The following ATP2B2 variants were observed in gnomAD, a reference collection of about 807,000 sequenced individuals.
ATP2B2 encodes the protein ATPase plasma membrane Ca2+ transporting 2.
A neutral mutation model predicts 120.0 loss-of-function variants in ATP2B2; 15 were observed. The observed-to-expected ratio is 0.12, with a 90% CI of 0.08 to 0.19. ATP2B2 has a LOEUF of 0.19. Among genes scored for constraint, ATP2B2 ranks in the 10% least tolerant of loss-of-function variants. The pLI is 1.00. For missense variants in ATP2B2, 1,045 were observed against 1,719.8 expected (o/e 0.61, Z 6.94); for synonymous variants, 694 against 700.3 (o/e 0.99, Z 0.14).
intron 1 of ATP2B2, among the ~76,000 whole-genome samples, chr3:10,486,346 T>TGTG (rs2065666110): frequency 6.6e-6 from 1 of 151,938 alleles, no homozygotes; most frequent in Non-Finnish European, 1.5e-5. Flanking sequence ...TGTGTGTGTG[T>TGTG]GTGTGTGTGT....
intron 1 of ATP2B2, among the ~76,000 whole-genome samples, chr3:10,471,430 A>G (rs2125283102): frequency 6.7e-6 from 1 of 150,304 alleles, no homozygotes; most frequent in Non-Finnish European, 1.5e-5. Flanking sequence ...GTGCGTGTGC[A>G]TGTGCAGATG....
At chr3:10,560,475 A>G (rs1279816876) in intron 2 of ATP2B2, among the ~76,000 whole-genome samples, 1 of 147,348 alleles carries the variant, frequency 6.8e-6, no homozygotes, top group African/African-American at 2.5e-5. Flanking sequence ...CAAATGCCCC[A>G]TAGCCCCAGC....
At chr3:10,425,289 G>T (rs2063112151) in intron 2 of ATP2B2, among the ~76,000 whole-genome samples, 1 of 151,784 alleles carries the variant, frequency 6.6e-6, no homozygotes, top group Non-Finnish European at 1.5e-5. Flanking sequence ...CAGCATGGGT[G>T]ACAGAGCGAG....
chr3:10,519,471 A>T (rs1462218615), intron 3 of ATP2B2, among the ~76,000 whole-genome samples: 2 of 152,180 alleles, frequency 1.3e-5, no homozygotes, highest in Non-Finnish European at 1.5e-5. Flanking sequence ...AGCTTTACAG[A>T]GAGGTATGCT....
chr3:10,438,565 C>T (rs138888314), intron 2 of ATP2B2, among the ~76,000 whole-genome samples: 5 of 152,340 alleles, frequency 3.3e-5, no homozygotes, highest in African/African-American at 1.2e-4. Context: ...AGGGAGCCAT[C>T]GGCTGAGGCA....
chr3:10,366,759 C>T (rs1387673375), intron 12 of ATP2B2, among the ~76,000 whole-genome samples: 1 of 152,112 alleles, frequency 6.6e-6, no homozygotes, highest in African/African-American at 2.4e-5. Flanking sequence ...AGCTGTGGCT[C>T]GGAGGAGCAG....
chr3:10,482,583 G>A (rs1262387712), intron 1 of ATP2B2, among the ~76,000 whole-genome samples: 1 of 152,228 alleles, frequency 6.6e-6, no homozygotes, highest in East Asian at 1.9e-4. Flanking sequence ...TGGAACCCTA[G>A]AGCATGGTGG....
At chr3:10,488,095 A>T (rs771230355) in intron 1 of ATP2B2, among the ~76,000 whole-genome samples, 30 of 151,542 alleles carry the variant, frequency 2.0e-4, no homozygotes, top group Admixed American at 4.6e-4. Flanking sequence ...CTATCCATCC[A>T]TCCAGCCATC....
chr3:10,597,064 C>T (rs1253007843), intron 2 of ATP2B2, among the ~76,000 whole-genome samples: 1 of 9,696 alleles, frequency 1.0e-4, no homozygotes, highest in African/African-American at 3.2e-4. Context: ...CACACAGGGC[C>T]ACACACACAC....
chr3:10,503,777 G>A (rs562184742), intron 1 of ATP2B2, among the ~76,000 whole-genome samples: 1 of 152,378 alleles, frequency 6.6e-6, no homozygotes, highest in African/African-American at 2.4e-5. Flanking sequence ...TTTCACACCT[G>A]AGCCAGCCCT....
At chr3:10,349,624 G>A (rs142027482) in intron 16 of ATP2B2, among the ~76,000 whole-genome samples, 4 of 152,118 alleles carry the variant, frequency 2.6e-5, no homozygotes, top group Admixed American at 6.6e-5. Context: ...GGTCACAAAC[G>A]TTGGTTGGGG....
chr3:10,457,599 C>A (rs1489334062), intron 1 of ATP2B2, among the ~76,000 whole-genome samples: 5 of 151,788 alleles, frequency 3.3e-5, no homozygotes, highest in African/African-American at 1.2e-4. Flanking sequence ...CCCAAGATAT[C>A]TGTGCCACAC....
chr3:10,684,935 T>C (rs188125722), intron 1 of ATP2B2, among the ~76,000 whole-genome samples: 3 of 152,122 alleles, frequency 2.0e-5, no homozygotes, highest in Admixed American at 1.3e-4. Context: ...AGGATGGAGG[T>C]TCAGGTCAGA....
chr3:10,407,765 C>T (rs1303699402), intron 3 of ATP2B2, among the ~76,000 whole-genome samples: 3 of 152,186 alleles, frequency 2.0e-5, no homozygotes, highest in Admixed American at 6.5e-5. Context: ...AAACCAGGAG[C>T]GATCGGCCAC....
intron 1 of ATP2B2, among the ~76,000 whole-genome samples, chr3:10,624,516 C>T (rs2069639910): frequency 6.6e-6 from 1 of 152,110 alleles, no homozygotes; most frequent in African/African-American, 2.4e-5. Flanking sequence ...TTGACAATCT[C>T]AGCGCCTGAA....
At chr3:10,484,359 G>C (rs901703973) in intron 1 of ATP2B2, among the ~76,000 whole-genome samples, 1 of 152,220 alleles carries the variant, frequency 6.6e-6, no homozygotes, top group Non-Finnish European at 1.5e-5. Context: ...GTGGGCACAG[G>C]CTCCTCGGGT....
At chr3:10,576,217 G>T (rs550600670) in intron 2 of ATP2B2, among the ~76,000 whole-genome samples, 1 of 152,288 alleles carries the variant, frequency 6.6e-6, no homozygotes, top group African/African-American at 2.4e-5. Flanking sequence ...CCAGAAAAAG[G>T]GCAGGGCCGA....
intron 1 of ATP2B2, among the ~76,000 whole-genome samples, chr3:10,633,529 G>A (rs921278327): frequency 6.6e-6 from 1 of 152,176 alleles, no homozygotes; most frequent in African/African-American, 2.4e-5. Flanking sequence ...ACTTTAGTAT[G>A]AATTTCTTCA....
In ATP2B2 at chr3:10,530,836, C is replaced by T. The variant is rs78182985; in HGVS notation, c.-320+3203G>A. On this transcript the variant is annotated intron_variant, in intron 3 of 21. Coordinates refer to the ATP2B2 transcript ENST00000646379. Reference sequence around the variant, plus strand: ...TGGTGTTGATTACAACTGCCTAATACGTTGCTGACGTGGAAATTCTGCCGA... The same window carrying T: ...TGGTGTTGATTACAACTGCCTAATATGTTGCTGACGTGGAAATTCTGCCGA... Among the ~76,000 whole-genome samples the T allele has an allele frequency of 3.1e-3, 470 of 152,288 alleles. 2 individuals carry two copies. Among genetic ancestry groups the T allele is most frequent in the East Asian group, 0.012 (63 of 5,190 alleles).
Sources: allele counts gnomAD v4.1 joint callset (sites outside exome capture counted in the v4.1 genomes callset), GRCh38; gene constraint gnomAD v4.1.1; transcripts MANE v1.5; gene names NCBI Gene and HGNC (gene_info 2026-07-23, HGNC 2026-07-21).